Variants in ANO2 observed in about 807,000 individuals in gnomAD.
ANO2 encodes the protein anoctamin 2.
Under a neutral mutation model 124.2 loss-of-function variants are expected in ANO2, and 101 were observed. The ratio of observed to expected loss-of-function variants is 0.81; its 90% CI spans 0.69 to 0.96. The LOEUF (loss-of-function observed/expected upper bound fraction) is 0.96, where lower values mean the gene tolerates loss of function less well. ANO2 is among the 40% of genes least tolerant of loss of function. The pLI, the probability that ANO2 is intolerant of heterozygous loss-of-function variation, is 0.00. For missense variants in ANO2, 1,293 were observed against 1,274.5 expected, an observed-to-expected ratio of 1.01 and a Z score of -0.22; for synonymous variants, 486 against 482.5, an observed-to-expected ratio of 1.01 and a Z score of -0.09.
intron 14 of ANO2, among the ~76,000 whole-genome samples, chr12:5,671,261 TC>T (rs1411980226): frequency 6.6e-6 from 1 of 151,992 alleles, no homozygotes; most frequent in Admixed American, 6.6e-5. Flanking sequence ...ATCTGCTGAG[TC>T]CCCAAAGCAC....
At chr12:5,617,922 A>G (rs1944911694) in intron 16 of ANO2, among the ~76,000 whole-genome samples, 2 of 152,218 alleles carry the variant, frequency 1.3e-5, no homozygotes, top group Non-Finnish European at 2.9e-5. Context: ...CTGATTCCTC[A>G]GTCCATGTGT....
At chr12:5,600,477 A>G (rs772876722) in intron 19 of ANO2, among the ~76,000 whole-genome samples, 2 of 152,226 alleles carry the variant, frequency 1.3e-5, no homozygotes, top group Non-Finnish European at 2.9e-5. Context: ...GTGTAGAATG[A>G]TAATAATGGC....
chr12:5,935,808 C>A (rs1353248056), intron 1 of ANO2, among the ~76,000 whole-genome samples: 1 of 152,190 alleles, frequency 6.6e-6, no homozygotes, highest in East Asian at 1.9e-4. Flanking sequence ...CTGGGTTTCA[C>A]CTCCACAGAT....
intron 16 of ANO2, among the ~76,000 whole-genome samples, chr12:5,625,046 G>T (rs1945327612): frequency 1.3e-5 from 2 of 152,242 alleles, no homozygotes; most frequent in Admixed American, 1.3e-4. Flanking sequence ...GAAGTACTGG[G>T]AGGGGGAATT....
chr12:5,888,933 C>T (rs1444493712), intron 3 of ANO2, among the ~76,000 whole-genome samples: 2 of 152,224 alleles, frequency 1.3e-5, no homozygotes, highest in Non-Finnish European at 2.9e-5. Flanking sequence ...GGACTGGGTG[C>T]CTTGGAGCAG....
In ANO2 at chr12:5,643,347, T is replaced by C. The variant is rs190114964; in HGVS notation, c.1620+4380A>G. Reference sequence around the variant, plus strand: ...AACTGTATATATTCTTTCATCTTGTTTTTTTCACCCTTGATGTTATACATA... The same window carrying C: ...AACTGTATATATTCTTTCATCTTGTCTTTTTCACCCTTGATGTTATACATA... On this transcript the variant is annotated intron_variant, in intron 15 of 24. Transcript: ENST00000682330. Among the ~76,000 whole-genome samples the C allele has an allele frequency of 4.6e-5, 7 of 152,372 alleles. No homozygotes were observed. In the East Asian group the frequency reaches 1.3e-3, roughly 29 times the overall value.
chr12:5,885,718 T>C (rs1376698771), intron 3 of ANO2, among the ~76,000 whole-genome samples: 3 of 152,188 alleles, frequency 2.0e-5, no homozygotes, highest in Non-Finnish European at 4.4e-5. Context: ...CCTCAACACC[T>C]TGCAATCCTT....
intron 1 of ANO2, among the ~76,000 whole-genome samples, chr12:5,935,553 C>T (rs1463998363): frequency 6.6e-6 from 1 of 152,128 alleles, no homozygotes; most frequent in Non-Finnish European, 1.5e-5. Flanking sequence ...AGGATATGTC[C>T]TCATTTGAGC....
chr12:5,772,099 T>A (rs1452420771), intron 10 of ANO2, among the ~76,000 whole-genome samples: 1 of 151,902 alleles, frequency 6.6e-6, no homozygotes, highest in Non-Finnish European at 1.5e-5. Flanking sequence ...GATTTTTTAA[T>A]AAAGAGGAAA....
At chr12:5,584,797 A>G (rs1464875339) in intron 20 of ANO2, among the ~76,000 whole-genome samples, 2 of 152,218 alleles carry the variant, frequency 1.3e-5, no homozygotes, top group African/African-American at 4.8e-5. Context: ...GATCCTCAGC[A>G]TGGGCCTCCA....
intron 24 of ANO2, among the ~76,000 whole-genome samples, chr12:5,565,039 A>C (rs1195019294): frequency 6.6e-6 from 1 of 152,084 alleles, no homozygotes; most frequent in Non-Finnish European, 1.5e-5. Context: ...CCAGATAGGA[A>C]TCACTGGGCT....
At position 5,887,191 on chromosome 12, in the gene ANO2, GC is replaced by G. The variant is rs1381944739; in HGVS notation, c.535-33051del. On this transcript the variant is annotated intron_variant, in intron 3 of 24. Transcript: ENST00000682330. ...AACTTAGGCTAGGATTTTTTTTAAA[GC>G]AGAGAGGAATAAGAAATTCATAAAA... Among the ~76,000 whole-genome samples, 3 of 152,154 alleles carry G rather than the reference GC, an allele frequency of 2.0e-5. No individual in the cohort carries two copies. The East Asian group carries it at 5.8e-4, about 29-fold the overall frequency.
intron 11 of ANO2, among the ~76,000 whole-genome samples, chr12:5,746,294 A>G (rs1439320669): frequency 6.6e-6 from 1 of 152,246 alleles, no homozygotes; most frequent in Non-Finnish European, 1.5e-5. Flanking sequence ...ACTATCCATC[A>G]TTTGTACAAG....
At chr12:5,717,174 G>A (rs551873833) in intron 14 of ANO2, among the ~76,000 whole-genome samples, 2 of 152,356 alleles carry the variant, frequency 1.3e-5, no homozygotes, top group African/African-American at 4.8e-5. Context: ...GGCATGAAGA[G>A]TATGTGGGAA....
At chr12:5,653,888 G>A (rs1196233018) in intron 14 of ANO2, among the ~76,000 whole-genome samples, 1 of 152,142 alleles carries the variant, frequency 6.6e-6, no homozygotes, top group Non-Finnish European at 1.5e-5. Flanking sequence ...ATGAAAAGGG[G>A]GATGAGGGTA....
At position 5,789,984 on chromosome 12, in the gene ANO2, A is replaced by G. The variant is rs989845842; in HGVS notation, c.1055+9523T>C. On this transcript the variant is annotated intron_variant, in intron 10 of 24. Transcript: ENST00000682330. ...TCAGGGGTTCCAGGGACACGTGGTCAAACAGTGGCTCCCGGGATCAAACAG... is the reference window on the plus strand; with the variant it reads ...TCAGGGGTTCCAGGGACACGTGGTCGAACAGTGGCTCCCGGGATCAAACAG... Among the ~76,000 whole-genome samples the G allele has an allele frequency of 4.7e-4, 71 of 152,326 alleles. 1 individual carries two copies. The highest frequency in any genetic ancestry group is 1.7e-3 in the African/African-American group (70 of 41,580).
chr12:5,799,414 G>A, intron 10 of ANO2, 93 bp downstream of exon 10: 1 of 1,088,208 alleles, frequency 9.2e-7, no homozygotes, highest in African/African-American at 1.6e-5. Flanking sequence ...CCCTCCACTT[G>A]AGCAAAGGAC....
In ANO2 at chr12:5,615,623, T is replaced by C. The variant is rs574621145; in HGVS notation, c.1817-326A>G. 7.9e-5 allele frequency among the ~76,000 whole-genome samples: 12 copies of C among 152,284 alleles called. No homozygotes were observed. In the South Asian group the frequency reaches 2.5e-3, roughly 32 times the overall value. On this transcript the variant is annotated intron_variant, in intron 16 of 24. Coordinates refer to ENST00000682330, the MANE Select transcript of ANO2 (RefSeq NM_001364791.2). Reference sequence around the variant, plus strand: ...CAGAGCTTGCAACCACCCCCTTTTCTGCACCAAGGGGAATTCAGTTTTCAC... The same window carrying C: ...CAGAGCTTGCAACCACCCCCTTTTCCGCACCAAGGGGAATTCAGTTTTCAC...
chr12:5,931,399 T>C (rs1942375008), intron 1 of ANO2, among the ~76,000 whole-genome samples: 1 of 152,138 alleles, frequency 6.6e-6, no homozygotes. Flanking sequence ...ACTTCCCACG[T>C]ATTGTATAAA....
Sources: gnomAD v4.1 joint callset for allele counts (sites outside exome capture counted in the v4.1 genomes callset) on GRCh38, gnomAD v4.1.1 for gene constraint, MANE v1.5 for transcripts, NCBI Gene and HGNC (gene_info 2026-07-23, HGNC 2026-07-21) for gene names.